Variants in PRKCB observed in about 807,000 individuals in gnomAD.
PRKCB encodes the protein protein kinase C beta type.
A neutral mutation model predicts 81.5 loss-of-function variants in PRKCB; 13 were observed. The ratio of observed to expected loss-of-function variants is 0.16; its 90% CI spans 0.10 to 0.25. The LOEUF (loss-of-function observed/expected upper bound fraction) is 0.25. Ranked by LOEUF, PRKCB falls within the 10% of genes least tolerant of loss-of-function variation. The probability of loss-of-function intolerance (pLI) is 1.00; values close to 1 mark genes in which losing one functional copy is unlikely to be tolerated. For synonymous variants in PRKCB, 335 were observed against 321.4 expected (o/e 1.04, Z -0.45); for missense variants, 509 against 875.7 (o/e 0.58, Z 5.29).
At position 24,148,751 on chromosome 16, in the gene PRKCB, G is replaced by A. The variant is rs556858070; in HGVS notation, c.1066-5933G>A. ...AACACTTATTCTAAAACGAGGGTCAGCAGACTATTGGAACCCAGGCTACTG... is the reference window on the plus strand; with the variant it reads ...AACACTTATTCTAAAACGAGGGTCAACAGACTATTGGAACCCAGGCTACTG... On this transcript the variant is annotated intron_variant, in intron 9 of 16. Coordinates refer to ENST00000643927, the MANE Select transcript of PRKCB (RefSeq NM_002738.7). 2.0e-5 allele frequency among the ~76,000 whole-genome samples: 3 copies of A among 152,282 alleles called. No homozygotes were observed. The South Asian group carries it at 6.2e-4, about 32-fold the overall frequency.
At chr16:24,118,356 T>G (rs1966759128) in intron 8 of PRKCB, among the ~76,000 whole-genome samples, 1 of 152,266 alleles carries the variant, frequency 6.6e-6, no homozygotes, top group South Asian at 2.1e-4. Flanking sequence ...TCATGGTGGT[T>G]GTTATAATTA....
intron 2 of PRKCB, among the ~76,000 whole-genome samples, chr16:23,971,871 A>G (rs1054244145): frequency 6.6e-6 from 1 of 152,194 alleles, no homozygotes; most frequent in African/African-American, 2.4e-5. Context: ...ATTAAGTTAA[A>G]CATAGAGTTA....
At chr16:24,209,842 A>C (rs186459344) in intron 16 of PRKCB, among the ~76,000 whole-genome samples, 1 of 151,978 alleles carries the variant, frequency 6.6e-6, no homozygotes, top group East Asian at 1.9e-4. Context: ...GGTGGCTGAC[A>C]CCTGGAATTC....
chr16:24,147,755 C>T (rs566228002), intron 9 of PRKCB, among the ~76,000 whole-genome samples: 11 of 152,276 alleles, frequency 7.2e-5, no homozygotes, highest in South Asian at 6.2e-4. Context: ...TAGTGGAATA[C>T]GGACGAGTCA....
At chr16:24,206,217 A>G (rs1228189638) in intron 16 of PRKCB, among the ~76,000 whole-genome samples, 4 of 152,242 alleles carry the variant, frequency 2.6e-5, no homozygotes, top group Non-Finnish European at 5.9e-5. Flanking sequence ...ACTTTTTAAA[A>G]TGATCAAATA....
chr16:23,900,766 G>C (rs973392481), intron 2 of PRKCB, among the ~76,000 whole-genome samples: 8 of 103,304 alleles, frequency 7.7e-5, no homozygotes, highest in Non-Finnish European at 1.2e-4. Flanking sequence ...TGTCCCATAC[G>C]GTCTTCTGTT....
chr16:23,957,096 A>G (rs1964359960), intron 2 of PRKCB, among the ~76,000 whole-genome samples: 2 of 151,864 alleles, frequency 1.3e-5, no homozygotes, highest in South Asian at 2.1e-4. Flanking sequence ...GACAGTTTCA[A>G]TTATGTAAAA....
At chr16:24,142,758 C>A (rs1461119789) in intron 9 of PRKCB, among the ~76,000 whole-genome samples, 1 of 152,136 alleles carries the variant, frequency 6.6e-6, no homozygotes, top group Non-Finnish European at 1.5e-5. Context: ...TCTGACCTAC[C>A]CTCTGCAGGT....
At position 23,876,946 on chromosome 16, in the gene PRKCB, C is replaced by T. The variant is rs116181033; in HGVS notation, c.205+39540C>T. Among the ~76,000 whole-genome samples, 647 of 151,434 alleles carry T rather than the reference C, an allele frequency of 4.3e-3. 9 individuals are homozygous for T. Among genetic ancestry groups the T allele is most frequent in the African/African-American group, 0.015 (618 of 41,150 alleles). On this transcript the variant is annotated intron_variant, in intron 2 of 16. Transcript: ENST00000643927. ...TTTGGTTGCAAGTAACATAAATGAACTCTGATTAATGTAAGCAAAAAAGAA... is the reference window on the plus strand; with the variant it reads ...TTTGGTTGCAAGTAACATAAATGAATTCTGATTAATGTAAGCAAAAAAGAA...
chr16:23,877,097 G>C (rs942992335), intron 2 of PRKCB, among the ~76,000 whole-genome samples: 1 of 152,108 alleles, frequency 6.6e-6, no homozygotes, highest in South Asian at 2.1e-4. Context: ...ACTAATGACT[G>C]TTTCCTTCAG....
chr16:24,053,342 AT>A (rs1965864928), intron 5 of PRKCB, among the ~76,000 whole-genome samples: 1 of 152,190 alleles, frequency 6.6e-6, no homozygotes, highest in Admixed American at 6.5e-5. Flanking sequence ...CTTTGGAGCT[AT>A]CTGGTCACTG....
chr16:24,051,510 G>A (rs192133870), intron 5 of PRKCB, among the ~76,000 whole-genome samples: 16 of 152,236 alleles, frequency 1.1e-4, no homozygotes, highest in Admixed American at 7.2e-4. Context: ...CTGTCTCTAG[G>A]AATGGGCTAG....
At chr16:23,956,966 A>G (rs569529766) in intron 2 of PRKCB, among the ~76,000 whole-genome samples, 232 of 132,436 alleles carry the variant, frequency 1.8e-3, no homozygotes, top group Non-Finnish European at 3.1e-3. Flanking sequence ...CAGGTGGAGT[A>G]AGCTATAGGC....
At chr16:24,059,969 A>T (rs2141876639) in intron 5 of PRKCB, among the ~76,000 whole-genome samples, 1 of 152,138 alleles carries the variant, frequency 6.6e-6, no homozygotes, top group African/African-American at 2.4e-5. Flanking sequence ...GAAGGAGGGG[A>T]TGTGGAAAGA....
intron 4 of PRKCB, among the ~76,000 whole-genome samples, chr16:24,032,839 C>T (rs1965566497): frequency 6.6e-6 from 1 of 152,220 alleles, no homozygotes; most frequent in African/African-American, 2.4e-5. Context: ...AAGGGGCAGT[C>T]CATGGCTGTT....
chr16:24,117,960 T>C (rs758314014), intron 8 of PRKCB, among the ~76,000 whole-genome samples: 13 of 152,242 alleles, frequency 8.5e-5, no homozygotes, highest in Non-Finnish European at 1.8e-4. Flanking sequence ...CAATGTGCCC[T>C]GTGCGCTGTG....
In PRKCB at chr16:24,218,632, G is replaced by A. The variant is rs1483454979; in HGVS notation, c.*3816G>A. 5.5e-5 allele frequency: 54 copies of A among 978,596 alleles called. No homozygotes were observed. Among genetic ancestry groups the A allele is most frequent in the Non-Finnish European group, 6.2e-5 (51 of 828,370 alleles). 60.6% of individuals were successfully genotyped at this position (978,596 alleles called of 1,614,324 possible). On this transcript the variant is annotated 3_prime_UTR_variant, in exon 17 of 17. Coordinates refer to ENST00000643927, the MANE Select transcript of PRKCB (RefSeq NM_002738.7). The stretch of plus-strand genomic sequence containing the variant: ...GTCTTGTAAAAGGTCTTTTGCAAAG[G>A]AGAGTGAACCCAGCAATGAGAGATC...
intron 10 of PRKCB, among the ~76,000 whole-genome samples, chr16:24,166,888 G>A (rs1389449704): frequency 6.6e-6 from 1 of 152,074 alleles, no homozygotes; most frequent in Admixed American, 6.6e-5. Context: ...ATGGTTAGCG[G>A]TAGAAACATA....
Position 23,991,520 on chromosome 16 carries a change from C to G in PRKCB, c.288+2930C>G, listed in dbSNP as rs1343846980. ...ACTTGCAGCCAAGAAGATGGTGTTT[C>G]CCATATTCTATCTATCTGCTGAATG... On this transcript the variant is annotated intron_variant, in intron 3 of 16. Coordinates refer to ENST00000643927, the MANE Select transcript of PRKCB (RefSeq NM_002738.7). 2.6e-5 allele frequency among the ~76,000 whole-genome samples: 4 copies of G among 152,134 alleles called. No homozygotes were observed. The South Asian group carries it at 6.2e-4, about 24-fold the overall frequency.
Sources: gnomAD v4.1 joint callset for allele counts (sites outside exome capture counted in the v4.1 genomes callset) on GRCh38, gnomAD v4.1.1 for gene constraint, MANE v1.5 for transcripts, NCBI Gene and HGNC (gene_info 2026-07-23, HGNC 2026-07-21) for gene names.